CAMK1D: variants seen among roughly 807,000 people sequenced by gnomAD.
CAMK1D encodes calcium/calmodulin dependent protein kinase ID.
In CAMK1D, 9 loss-of-function variants were observed where a neutral mutation model predicts 47.7. The observed-to-expected ratio is 0.19, with a 90% CI of 0.11 to 0.33. CAMK1D has a LOEUF of 0.33. CAMK1D is among the 10% of genes least tolerant of loss of function. The pLI is 1.00. For synonymous variants in CAMK1D, 184 were observed against 184.9 expected (o/e 0.99, Z 0.04); for missense variants, 291 against 488.7 (o/e 0.60, Z 3.81).
intron 1 of CAMK1D, among the ~76,000 whole-genome samples, chr10:12,544,884 C>A (rs1468456541): frequency 1.3e-5 from 2 of 151,952 alleles, no homozygotes; most frequent in East Asian, 3.9e-4. Flanking sequence ...GTGGATGGTA[C>A]TAGTGTTGAG....
intron 3 of CAMK1D, among the ~76,000 whole-genome samples, chr10:12,672,408 G>A (rs776314454): frequency 9.9e-5 from 15 of 151,838 alleles, no homozygotes; most frequent in African/African-American, 1.7e-4. Flanking sequence ...TCACTCTGTC[G>A]CCGAGGCCTG....
intron 2 of CAMK1D, among the ~76,000 whole-genome samples, chr10:12,618,601 A>T (rs1368535165): frequency 6.6e-6 from 1 of 152,204 alleles, no homozygotes; most frequent in East Asian, 1.9e-4. Context: ...TCATTTAAGT[A>T]TCAGGTAATA....
At chr10:12,817,760 G>A (rs553538267) in intron 8 of CAMK1D, among the ~76,000 whole-genome samples, 37 of 152,200 alleles carry the variant, frequency 2.4e-4, no homozygotes, top group South Asian at 1.5e-3. Flanking sequence ...GGGCAGTCTC[G>A]GCTCACTGCA....
chr10:12,422,752 A>C (rs1364519710), intron 1 of CAMK1D, among the ~76,000 whole-genome samples: 1 of 151,806 alleles, frequency 6.6e-6, no homozygotes, highest in Admixed American at 6.6e-5. Context: ...GGCTCACTGC[A>C]ACCTCTGCCT....
chr10:12,476,060 A>AGG (rs533180380), intron 1 of CAMK1D, among the ~76,000 whole-genome samples: 1 of 151,918 alleles, frequency 6.6e-6, no homozygotes, highest in African/African-American at 2.4e-5. Context: ...AGGGAGGCCG[A>AGG]GGGGGGGCGG....
At chr10:12,804,769 A>AC (rs1838643110) in intron 6 of CAMK1D, among the ~76,000 whole-genome samples, 1 of 105,452 alleles carries the variant, frequency 9.5e-6, no homozygotes, top group East Asian at 3.8e-4. Flanking sequence ...CCCTGTCTGT[A>AC]CCAAAAAAAA....
intron 6 of CAMK1D, among the ~76,000 whole-genome samples, chr10:12,802,051 A>G (rs944345559): frequency 1.3e-5 from 2 of 152,222 alleles, no homozygotes; most frequent in African/African-American, 2.4e-5. Context: ...CAGTTGGATT[A>G]AAACAGAGAG....
rs928706750 is a variant in CAMK1D, at chr10:12,593,989, C to T, written c.224+40633C>T. Among the ~76,000 whole-genome samples, 11 of 152,190 alleles carry T rather than the reference C, an allele frequency of 7.2e-5. No individual in the cohort carries two copies. In the East Asian group the frequency reaches 2.1e-3, roughly 29 times the overall value. On this transcript the variant is annotated intron_variant, in intron 2 of 10. Transcript: ENST00000619168. The stretch of plus-strand genomic sequence containing the variant: ...GTCAGGAGTTCGAGACCAGCCTGAC[C>T]AACGTGGTGAAACCCCATCTCTACT...
At chr10:12,711,425 G>A (rs1162813306) in intron 3 of CAMK1D, among the ~76,000 whole-genome samples, 1 of 152,210 alleles carries the variant, frequency 6.6e-6, no homozygotes, top group Non-Finnish European at 1.5e-5. Flanking sequence ...AAATATGCAT[G>A]AGAATGCATC....
chr10:12,742,116 T>C (rs1474253414), intron 3 of CAMK1D, among the ~76,000 whole-genome samples: 1 of 152,208 alleles, frequency 6.6e-6, no homozygotes, highest in Non-Finnish European at 1.5e-5. Context: ...CCCTTTGTTT[T>C]TGTGTTTTAA....
chr10:12,642,269 G>A (rs1317793634), intron 2 of CAMK1D, among the ~76,000 whole-genome samples: 1 of 152,210 alleles, frequency 6.6e-6, no homozygotes, highest in African/African-American at 2.4e-5. Context: ...GGATTTCCTG[G>A]AAGTCAGGGT....
intron 5 of CAMK1D, among the ~76,000 whole-genome samples, chr10:12,785,928 G>C (rs1837705980): frequency 6.6e-6 from 1 of 152,232 alleles, no homozygotes; most frequent in Admixed American, 6.5e-5. Flanking sequence ...GCGAGCAGGA[G>C]AGAGAACATC....
chr10:12,701,310 T>C (rs1833510007), intron 3 of CAMK1D, among the ~76,000 whole-genome samples: 1 of 152,170 alleles, frequency 6.6e-6, no homozygotes, highest in Non-Finnish European at 1.5e-5. Context: ...ATTTGTGGAA[T>C]TTATAAACGG....
chr10:12,597,571 C>A (rs78095045), intron 2 of CAMK1D, among the ~76,000 whole-genome samples: 1 of 152,168 alleles, frequency 6.6e-6, no homozygotes, highest in Non-Finnish European at 1.5e-5. Flanking sequence ...TGCAGAGGCA[C>A]GTGACTTTTC....
In CAMK1D at chr10:12,834,824, A is replaced by G. The variant is rs12778117; in HGVS notation, c.*5937A>G. The stretch of plus-strand genomic sequence containing the variant: ...TTAATCTAGACAGATTCAGATTCCC[A>G]GGCTCTCCTGGAAGCCCTGCACTTC... On this transcript the variant is annotated 3_prime_UTR_variant, in exon 11 of 11. Coordinates refer to ENST00000619168, the MANE Select transcript of CAMK1D (RefSeq NM_153498.4). 5,436 of 152,282 alleles carry G rather than the reference A, an allele frequency of 0.036. 137 individuals are homozygous for G. Among genetic ancestry groups the G allele is most frequent in the Non-Finnish European group, 0.055 (3,727 of 68,012 alleles). 9.4% of individuals were successfully genotyped at this position (152,282 alleles called of 1,614,324 possible). A position where few individuals can be genotyped will look rare whatever the true frequency, so the allele number is the denominator to read the frequency against.
intron 3 of CAMK1D, among the ~76,000 whole-genome samples, chr10:12,709,315 G>A (rs1218574020): frequency 1.3e-5 from 2 of 152,108 alleles, no homozygotes; most frequent in African/African-American, 4.8e-5. Flanking sequence ...TAAGGCCGTG[G>A]TTGGAGGATT....
intron 3 of CAMK1D, among the ~76,000 whole-genome samples, chr10:12,675,456 C>T (rs73574021): frequency 0.035 from 5,336 of 152,270 alleles, 130 homozygotes; most frequent in African/African-American, 0.064. Flanking sequence ...TCCATTCTTC[C>T]AGTTGCCCAG....
At chr10:12,415,978 C>A (rs374912098) in intron 1 of CAMK1D, 7 of 151,748 alleles carry the variant, frequency 4.6e-5, no homozygotes, top group African/African-American at 1.7e-4. Flanking sequence ...ATTCCTTTAG[C>A]GCTAGTATTA....
At chr10:12,741,313 G>A (rs1420940121) in intron 3 of CAMK1D, among the ~76,000 whole-genome samples, 2 of 152,130 alleles carry the variant, frequency 1.3e-5, no homozygotes, top group South Asian at 2.1e-4. Context: ...GTTACGAACC[G>A]CCGGGTTAGA....
Sources: gnomAD v4.1 joint callset for allele counts (sites outside exome capture counted in the v4.1 genomes callset) on GRCh38, gnomAD v4.1.1 for gene constraint, MANE v1.5 for transcripts, NCBI Gene and HGNC (gene_info 2026-07-23, HGNC 2026-07-21) for gene names.